POLN: variants seen among roughly 807,000 people sequenced by gnomAD.
POLN encodes DNA polymerase nu, also known as DNA polymerase N.
A neutral mutation model predicts 113.5 loss-of-function variants in POLN; 108 were observed. The ratio of observed to expected loss-of-function variants is 0.95; its 90% CI spans 0.81 to 1.12. The LOEUF (loss-of-function observed/expected upper bound fraction) is 1.12, where lower values mean the gene tolerates loss of function less well. Among genes scored for constraint, POLN ranks in the 50% most tolerant of loss-of-function variants. The pLI, the probability that POLN is intolerant of heterozygous loss-of-function variation, is 0.00. For synonymous variants in POLN, 386 were observed against 391.5 expected, an observed-to-expected ratio of 0.99 and a Z score of 0.17; for missense variants, 1,097 against 1,077.1, an observed-to-expected ratio of 1.02 and a Z score of -0.26.
intron 3 of POLN, chr4:2,227,725 T>C (rs1263286036): frequency 1.3e-5 from 2 of 152,174 alleles, no homozygotes; most frequent in African/African-American, 2.4e-5. Context: ...GCATTAACAA[T>C]GTATTTTAGA....
intron 16 of POLN, among the ~76,000 whole-genome samples, chr4:2,148,995 A>G (rs1385162046): frequency 6.6e-6 from 1 of 152,154 alleles, no homozygotes; most frequent in Non-Finnish European, 1.5e-5. Flanking sequence ...AGGGCTGGGC[A>G]CAGTGACCTG....
At chr4:2,211,964 T>A (rs916914833) in intron 4 of POLN, among the ~76,000 whole-genome samples, 1 of 151,086 alleles carries the variant, frequency 6.6e-6, no homozygotes, top group African/African-American at 2.4e-5. Context: ...AAGAGAAGAG[T>A]CCCTTCTCTG....
intron 5 of POLN, among the ~76,000 whole-genome samples, chr4:2,201,554 T>C (rs987299261): frequency 2.2e-4 from 33 of 151,966 alleles, no homozygotes; most frequent in African/African-American, 7.7e-4. Flanking sequence ...CGGATTATGT[T>C]AAACAACCAA....
chr4:2,158,015 G>C (rs1426498356), intron 14 of POLN, 104 bp from the exon 15 acceptor site: 6 of 774,412 alleles, frequency 7.7e-6, no homozygotes, highest in Non-Finnish European at 1.2e-5. Flanking sequence ...GCAGTGGCGT[G>C]ATCTCGGCTT....
chr4:2,141,707 G>C (rs553620299), intron 16 of POLN, among the ~76,000 whole-genome samples: 2 of 152,284 alleles, frequency 1.3e-5, no homozygotes, highest in East Asian at 3.9e-4. Flanking sequence ...TCTCCTCCAT[G>C]AACCAGTGAG....
At chr4:2,097,178 T>C (rs1405205957) in intron 19 of POLN, among the ~76,000 whole-genome samples, 2 of 152,228 alleles carry the variant, frequency 1.3e-5, no homozygotes, top group African/African-American at 2.4e-5. Context: ...GACAAGTGCC[T>C]GTGGCAGCCC....
chr4:2,092,611 G>A (rs978714861), intron 20 of POLN, among the ~76,000 whole-genome samples: 1 of 152,208 alleles, frequency 6.6e-6, no homozygotes, highest in Admixed American at 6.5e-5. Context: ...CTCTCACAAA[G>A]TCCTGCTGCT....
At chr4:2,151,372 A>G (rs560250564) in intron 16 of POLN, among the ~76,000 whole-genome samples, 38 of 152,344 alleles carry the variant, frequency 2.5e-4, no homozygotes, top group African/African-American at 8.7e-4. Flanking sequence ...GGAATGTCAA[A>G]TGGTAGAACC....
At chr4:2,079,607 G>A (rs1015393022) in intron 23 of POLN, 8 of 984,960 alleles carry the variant, frequency 8.1e-6, no homozygotes, top group Non-Finnish European at 9.6e-6. Context: ...TTTTCTGTTA[G>A]ACAGAGTCTT....
chr4:2,231,745 T>C, intron 2 of POLN: 1 of 455,548 alleles, frequency 2.2e-6, no homozygotes, highest in Non-Finnish European at 3.9e-6. Context: ...GCTCAAGTCA[T>C]AAAAAGCACT....
chr4:2,193,538 C>G (rs1733505360), intron 6 of POLN, among the ~76,000 whole-genome samples: 2 of 152,116 alleles, frequency 1.3e-5, no homozygotes, highest in Admixed American at 1.3e-4. Context: ...ACGCAGCTGT[C>G]AAGTGCTTAT....
intron 19 of POLN, among the ~76,000 whole-genome samples, chr4:2,097,226 C>T (rs988626667): frequency 6.6e-6 from 1 of 152,160 alleles, no homozygotes; most frequent in Non-Finnish European, 1.5e-5. Flanking sequence ...TAAATACCCA[C>T]TTCTTTTCGA....
chr4:2,133,148 CAAAAAAAAA>C (rs3045447), intron 16 of POLN, among the ~76,000 whole-genome samples: 1 of 140,686 alleles, frequency 7.1e-6, no homozygotes, highest in Admixed American at 7.1e-5. Flanking sequence ...TAAAAAATGG[CAAAAAAAAA>C]AAAAAATAAC....
Position 2,131,291 on chromosome 4 carries a change from C to A in POLN, c.1732-1G>T. ...GGTGCTTGGAGATACCTTGGATATT[C>A]TGTTAATAATAAGAGACTAGCTTTA... On this transcript the variant is annotated splice_acceptor_variant, in intron 16 of 25. Coordinates refer to ENST00000511885, the MANE Select transcript of POLN (RefSeq NM_181808.4). LOFTEE classifies it high-confidence loss of function. The A allele has an allele frequency of 6.4e-7, 1 of 1,571,860 alleles. No homozygotes were observed. The highest frequency in any genetic ancestry group is 1.1e-5 in the South Asian group (1 of 89,710).
chr4:2,196,631 G>A (rs1733581202), intron 6 of POLN, among the ~76,000 whole-genome samples: 1 of 150,540 alleles, frequency 6.6e-6, no homozygotes, highest in Non-Finnish European at 1.5e-5. Flanking sequence ...ATGGCACTGT[G>A]GCTCTGGAAA....
At chr4:2,135,596 C>A (rs961711016) in intron 16 of POLN, among the ~76,000 whole-genome samples, 1 of 152,204 alleles carries the variant, frequency 6.6e-6, no homozygotes, top group African/African-American at 2.4e-5. Context: ...ACATACAGCA[C>A]GTGAACTACC....
intron 3 of POLN, among the ~76,000 whole-genome samples, chr4:2,216,116 C>T (rs1577779362): frequency 1.3e-5 from 2 of 152,230 alleles, no homozygotes; most frequent in African/African-American, 2.4e-5. Context: ...CTCCACCTGA[C>T]GCCCACGGTC....
intron 4 of POLN, among the ~76,000 whole-genome samples, chr4:2,210,333 C>T (rs1733958892): frequency 6.6e-6 from 1 of 151,640 alleles, no homozygotes; most frequent in African/African-American, 2.4e-5. Context: ...AATCCTGGCA[C>T]TTTGGGAGGC....
At chr4:2,091,831 A>G (rs1730674293) in intron 20 of POLN, among the ~76,000 whole-genome samples, 1 of 151,224 alleles carries the variant, frequency 6.6e-6, no homozygotes, top group Non-Finnish European at 1.5e-5. Flanking sequence ...TTTAGCAGGG[A>G]CAGTCTTCAC....
Sources: allele counts gnomAD v4.1 joint callset (sites outside exome capture counted in the v4.1 genomes callset), GRCh38; gene constraint gnomAD v4.1.1; transcripts MANE v1.5; gene names NCBI Gene and HGNC (gene_info 2026-07-23, HGNC 2026-07-21).